C6orf62: variants seen among roughly 807,000 people sequenced by gnomAD.
C6orf62 encodes chromosome 6 open reading frame 62.
Under a neutral mutation model 26.8 loss-of-function variants are expected in C6orf62, and 16 were observed. The observed-to-expected ratio is 0.60, with a 90% confidence interval of 0.40 to 0.91. The LOEUF is 0.91. Ranked by LOEUF, C6orf62 falls within the 40% of genes least tolerant of loss-of-function variation. C6orf62 has a pLI of 0.00. For missense variants in C6orf62, 192 were observed against 271.4 expected (o/e 0.71, Z 2.06); for synonymous variants, 112 against 91.5 (o/e 1.22, Z -1.28).
At chr6:24,715,200 T>C (rs1779197584) in intron 2 of C6orf62, among the ~76,000 whole-genome samples, 1 of 152,246 alleles carries the variant, frequency 6.6e-6, no homozygotes, top group South Asian at 2.1e-4. Flanking sequence ...TTCATTATTG[T>C]AGCCAGCATA....
chr6:24,718,434 T>C, intron 1 of C6orf62, 106 bp downstream of exon 1: 3 of 1,186,652 alleles, frequency 2.5e-6, no homozygotes, highest in East Asian at 2.6e-5. Flanking sequence ...GCAGACTTTT[T>C]TTCAACCACT....
intron 3 of C6orf62, 187 bp from the exon 4 acceptor site, chr6:24,709,098 T>A: frequency 2.0e-6 from 2 of 983,984 alleles, no homozygotes. Context: ...AAAAGCAATT[T>A]ACAATTCCAT....
At chr6:24,719,949 T>G (rs186336547), upstream of C6orf62, 2 of 1,549,236 alleles carry the variant, frequency 1.3e-6, no homozygotes, top group African/African-American at 2.8e-5. Flanking sequence ...CGGGAGAGGG[T>G]AAATGGGAAG....
At chr6:24,719,817 C>CG, upstream of C6orf62, 2 of 1,543,158 alleles carry the variant, frequency 1.3e-6, no homozygotes, top group Non-Finnish European at 8.8e-7. Flanking sequence ...TCCACCCCCG[C>CG]AGGTCCCACC....
At chr6:24,714,541 T>C in intron 2 of C6orf62, 101 bp from the exon 3 acceptor site, 1 of 789,530 alleles carries the variant, frequency 1.3e-6, no homozygotes, top group Non-Finnish European at 2.0e-6. Flanking sequence ...ATTTTATAAG[T>C]ACAAAAGATC....
rs1003781915 is a variant in C6orf62 at position 24,708,779 on chromosome 6, G to A, written c.562C>T (p.Gln188Ter). The A allele has an allele frequency of 6.2e-7, 1 of 1,614,042 alleles. No homozygotes were observed. The highest frequency in any genetic ancestry group is 8.5e-7 in the Non-Finnish European group (1 of 1,180,042). The change falls in exon 4 of 5, where the codon CAG becomes TAG. Residue 188 changes from glutamine to a stop codon, truncating the protein, a stop_gained and splice_region_variant. Transcript: ENST00000378119. LOFTEE classifies it high-confidence loss of function. ...VFLFIDRQHL[Q>*]TPKNKATIFK... ...TGGTTTTCAAAAAAGCTGCTTACCT[G>A]CAAGTGCTGTCTGTCAATGAAGAGA...
chr6:24,719,241 A>G (rs779308187), upstream of C6orf62: 8 of 987,534 alleles, frequency 8.1e-6, no homozygotes, highest in Non-Finnish European at 9.6e-6. Flanking sequence ...GAAATATCCA[A>G]TTAGATTTTA....
Position 24,714,427 on chromosome 6 carries a change from C to T in C6orf62, c.320G>A (p.Cys107Tyr). ...AAGAATGAAATCCATCTCCTGAGTA[C>T]AGCCAATTACATCCTATAAAATGAT... ...YQSMRRDVIGCTQEMDFILWP... is the reference protein window; with the variant it reads ...YQSMRRDVIGYTQEMDFILWP... Residue 107 changes from cysteine to tyrosine, a missense_variant, in exon 3 of 5, where the codon TGT becomes TAT. Physicochemically the swap from Cys to Tyr is radical, Grantham distance 194. Coordinates refer to ENST00000378119, the MANE Select transcript of C6orf62 (RefSeq NM_030939.5). The T allele has an allele frequency of 6.3e-7, 1 of 1,591,502 alleles. No individual in the cohort carries two copies. The highest frequency in any genetic ancestry group is 8.5e-7 in the Non-Finnish European group (1 of 1,169,820).
At chr6:24,720,447 C>T, upstream of C6orf62, 1 of 1,086,484 alleles carries the variant, frequency 9.2e-7, no homozygotes, top group Non-Finnish European at 1.1e-6. Flanking sequence ...CATAGTCTGG[C>T]TCGGCGCCCT....
At chr6:24,718,421 A>C (rs1581400954) in intron 1 of C6orf62, 119 bp downstream of exon 1, 1 of 1,040,832 alleles carries the variant, frequency 9.6e-7, no homozygotes, top group East Asian at 2.7e-5. Context: ...CAGAGCATAC[A>C]AAGCAGACTT....
chr6:24,720,774 C>G (rs974387034), upstream of C6orf62: 9 of 152,418 alleles, frequency 5.9e-5, no homozygotes, highest in African/African-American at 2.2e-4. Flanking sequence ...CCCCCCCCCG[C>G]CGGTGGCTGC....
intron 1 of C6orf62, among the ~76,000 whole-genome samples, chr6:24,716,810 G>A (rs554131393): frequency 1.3e-5 from 2 of 151,624 alleles, no homozygotes; most frequent in East Asian, 3.9e-4. Context: ...TGCAACCTCT[G>A]CCTCCTGGGT....
intron 2 of C6orf62, among the ~76,000 whole-genome samples, chr6:24,715,537 CTT>C (rs1182683342): frequency 6.6e-6 from 1 of 152,120 alleles, no homozygotes; most frequent in Non-Finnish European, 1.5e-5. Flanking sequence ...CTGCATAACA[CTT>C]AAATTATTAA....
upstream of C6orf62, chr6:24,719,596 T>A (rs963529836): frequency 1.4e-6 from 2 of 1,399,000 alleles, no homozygotes. Flanking sequence ...GTATTAATTA[T>A]TCCGGCTCTG....
chr6:24,719,339 A>G, upstream of C6orf62: 1 of 998,326 alleles, frequency 1.0e-6, no homozygotes, highest in Non-Finnish European at 1.2e-6. Context: ...GTTATTGATT[A>G]CACTTGGTGG....
rs1232380211 is a variant in C6orf62, at chr6:24,710,559, C to G, written c.430-1648G>C. 3 of 983,564 alleles carry G rather than the reference C, an allele frequency of 3.1e-6. No individual in the cohort carries two copies. The East Asian group carries it at 3.4e-4, about 112-fold the overall frequency. The allele number at this position is 983,564 out of a possible 1,614,324, so 60.9% of individuals were successfully genotyped here. ...GATTACAGGCGTGAGCAACCGCGCCCGGCCCAAATTGGGTTCTTATCATCA... is the reference window on the plus strand; with the variant it reads ...GATTACAGGCGTGAGCAACCGCGCCGGGCCCAAATTGGGTTCTTATCATCA... On this transcript the variant is annotated intron_variant, in intron 3 of 4. Coordinates refer to ENST00000378119, the MANE Select transcript of C6orf62 (RefSeq NM_030939.5).
At chr6:24,712,239 G>A (rs547528639) in intron 3 of C6orf62, among the ~76,000 whole-genome samples, 3 of 152,170 alleles carry the variant, frequency 2.0e-5, no homozygotes, top group African/African-American at 4.8e-5. Context: ...AAAATTAGCT[G>A]GGTGTCATAG....
chr6:24,708,312 AT>A (rs1360197548), intron 4 of C6orf62, among the ~76,000 whole-genome samples: 1 of 151,060 alleles, frequency 6.6e-6, no homozygotes, highest in Non-Finnish European at 1.5e-5. Flanking sequence ...TTTGGGAACC[AT>A]TGTTCTACAG....
In C6orf62 at chr6:24,718,853, A is replaced by G. The variant is rs1779292718; in HGVS notation, c.-185T>C. On this transcript the variant is annotated 5_prime_UTR_variant, in exon 1 of 5. Coordinates refer to ENST00000378119, the MANE Select transcript of C6orf62 (RefSeq NM_030939.5). ...CAATATTAGCAGACTGTCATATTAC[A>G]GGGTCAAGAAACAAAAGCTGCTGTC... The G allele has an allele frequency of 1.4e-6, 2 of 1,432,810 alleles. No homozygotes were observed. Among genetic ancestry groups the G allele is most frequent in the African/African-American group, 1.4e-5 (1 of 69,222 alleles). 88.8% of individuals were successfully genotyped at this position (1,432,810 alleles called of 1,614,324 possible).
Sources: gnomAD v4.1 joint callset for allele counts (sites outside exome capture counted in the v4.1 genomes callset) on GRCh38, gnomAD v4.1.1 for gene constraint, MANE v1.5 for transcripts, NCBI Gene and HGNC (gene_info 2026-07-23, HGNC 2026-07-21) for gene names.